Variants in NFIB observed in about 807,000 individuals in gnomAD.
NFIB encodes nuclear factor I B.
NFIB carries 11 observed loss-of-function variants against 61.5 expected under a neutral mutation model. The observed-to-expected ratio is 0.18, with a 90% confidence interval of 0.11 to 0.30. The LOEUF (loss-of-function observed/expected upper bound fraction) is 0.30, where lower values mean the gene tolerates loss of function less well. Among genes scored for constraint, NFIB ranks in the 10% least tolerant of loss-of-function variants. The pLI is 1.00. For synonymous variants in NFIB, 260 were observed against 216.5 expected (o/e 1.20, Z -1.76); for missense variants, 471 against 608.9 (o/e 0.77, Z 2.38).
At chr9:14,179,023 A>G (rs1205934874) in intron 3 of NFIB, among the ~76,000 whole-genome samples, 1 of 152,164 alleles carries the variant, frequency 6.6e-6, no homozygotes, top group Admixed American at 6.6e-5. Context: ...TATAATTCAC[A>G]TTCTTTTAAT....
At chr9:14,205,221 G>GA in intron 2 of NFIB, among the ~76,000 whole-genome samples, 6 of 130,876 alleles carry the variant, frequency 4.6e-5, no homozygotes, top group African/African-American at 8.8e-5. Context: ...GGAAGGGAGG[G>GA]GAGGGGAGGG....
chr9:14,269,935 T>A (rs2057479643), intron 2 of NFIB, among the ~76,000 whole-genome samples: 1 of 152,138 alleles, frequency 6.6e-6, no homozygotes, highest in African/African-American at 2.4e-5. Context: ...AAAAACAAAA[T>A]GGCAAGCTAT....
chr9:14,463,436 T>C, the NFIB span, among the ~76,000 whole-genome samples: 1 of 151,610 alleles, frequency 6.6e-6, no homozygotes. Context: ...ACAGGATTTT[T>C]CCCTTATATA....
intron 2 of NFIB, among the ~76,000 whole-genome samples, chr9:14,190,364 T>C (rs1563883109): frequency 6.6e-6 from 1 of 152,170 alleles, no homozygotes; most frequent in African/African-American, 2.4e-5. Context: ...GTAAAGTAGA[T>C]TTGTACGTGG....
intron 2 of NFIB, among the ~76,000 whole-genome samples, chr9:14,292,488 T>C (rs2059168368): frequency 6.6e-6 from 1 of 152,220 alleles, no homozygotes; most frequent in South Asian, 2.1e-4. Context: ...TAAACTTTAT[T>C]AAGTATTGCT....
intron 1 of NFIB, among the ~76,000 whole-genome samples, chr9:14,310,597 T>C (rs750321293): frequency 5.3e-5 from 8 of 152,176 alleles, no homozygotes; most frequent in Non-Finnish European, 1.0e-4. Flanking sequence ...TAACTAGTAG[T>C]GGATTATTAC....
intron 7 of NFIB, among the ~76,000 whole-genome samples, chr9:14,121,988 T>C (rs1242086926): frequency 6.6e-6 from 1 of 152,038 alleles, no homozygotes; most frequent in Non-Finnish European, 1.5e-5. Flanking sequence ...TACCAACAAA[T>C]ATATGTAGAA....
At chr9:14,167,476 T>C (rs1398880761) in intron 3 of NFIB, among the ~76,000 whole-genome samples, 3 of 152,112 alleles carry the variant, frequency 2.0e-5, no homozygotes, top group East Asian at 1.9e-4. Context: ...GGGGTTGCAA[T>C]GAGCCAAGAT....
At chr9:14,420,445 CAAAAAAA>C in the NFIB span, among the ~76,000 whole-genome samples, 15 of 42,416 alleles carry the variant, frequency 3.5e-4, no homozygotes, top group Admixed American at 7.5e-4. Context: ...GACTCCGTCT[CAAAAAAA>C]AAAAAAAAAA....
At chr9:14,152,306 A>G (rs774391909) in intron 4 of NFIB, among the ~76,000 whole-genome samples, 1 of 152,144 alleles carries the variant, frequency 6.6e-6, no homozygotes, top group Non-Finnish European at 1.5e-5. Flanking sequence ...AATTATTTGG[A>G]CAGCTAAAAT....
Position 14,253,045 on chromosome 9 carries a change from A to G in NFIB, c.562+53944T>C, listed in dbSNP as rs531269573. ...ACCAAAAACAATTATTTTTACATCAATGCTTCATAATTTTCATTCATTCCA... is the reference window on the plus strand; with the variant it reads ...ACCAAAAACAATTATTTTTACATCAGTGCTTCATAATTTTCATTCATTCCA... On this transcript the variant is annotated intron_variant, in intron 2 of 10. Coordinates refer to ENST00000380953, the MANE Select transcript of NFIB (RefSeq NM_001190737.2). 1.1e-4 allele frequency among the ~76,000 whole-genome samples: 16 copies of G among 152,316 alleles called. No homozygotes were observed. In the East Asian group the frequency reaches 1.2e-3, roughly 11 times the overall value.
chr9:14,308,690 C>G (rs773920455), intron 1 of NFIB, among the ~76,000 whole-genome samples: 1 of 152,096 alleles, frequency 6.6e-6, no homozygotes, highest in Non-Finnish European at 1.5e-5. Context: ...ACTGTGGGTG[C>G]ATATATGCAT....
At chr9:14,186,404 T>C (rs970367762) in intron 2 of NFIB, among the ~76,000 whole-genome samples, 2 of 152,184 alleles carry the variant, frequency 1.3e-5, no homozygotes, top group African/African-American at 4.8e-5. Context: ...GAACAGTCTC[T>C]TTCTTTCTCT....
At chr9:14,240,188 T>C (rs916432279) in intron 2 of NFIB, among the ~76,000 whole-genome samples, 2 of 152,254 alleles carry the variant, frequency 1.3e-5, no homozygotes, top group South Asian at 2.1e-4. Flanking sequence ...TTCAGCAAAA[T>C]TGGGCCTAAA....
At chr9:14,232,597 C>CG (rs2053319167) in intron 2 of NFIB, among the ~76,000 whole-genome samples, 1 of 152,150 alleles carries the variant, frequency 6.6e-6, no homozygotes, top group Non-Finnish European at 1.5e-5. Context: ...GTGTGAGAAA[C>CG]GAAGTCTGGA....
intron 10 of NFIB, among the ~76,000 whole-genome samples, chr9:14,100,606 G>T (rs1047066791): frequency 2.0e-5 from 3 of 152,092 alleles, no homozygotes; most frequent in Non-Finnish European, 4.4e-5. Context: ...GCTACGGAGG[G>T]GGCTGAGGCA....
At chr9:14,472,054 C>T in the NFIB span, among the ~76,000 whole-genome samples, 8 of 152,294 alleles carry the variant, frequency 5.3e-5, no homozygotes, top group East Asian at 1.2e-3. Context: ...CATTTTCACA[C>T]ATGTAGAAAT....
At chr9:14,503,709 G>C in the NFIB span, among the ~76,000 whole-genome samples, 6 of 152,244 alleles carry the variant, frequency 3.9e-5, no homozygotes, top group Non-Finnish European at 8.8e-5. Flanking sequence ...GTTCTTTGTA[G>C]ATTCTGGATA....
At chr9:14,162,844 C>T (rs2044353858) in intron 3 of NFIB, among the ~76,000 whole-genome samples, 1 of 151,886 alleles carries the variant, frequency 6.6e-6, no homozygotes, top group Admixed American at 6.6e-5. Context: ...TTATTAGCAC[C>T]GTTATTTTAC....
Sources: gnomAD v4.1 joint callset for allele counts (sites outside exome capture counted in the v4.1 genomes callset) on GRCh38, gnomAD v4.1.1 for gene constraint, MANE v1.5 for transcripts, NCBI Gene and HGNC (gene_info 2026-07-23, HGNC 2026-07-21) for gene names.